Variants in DMD observed in about 807,000 individuals in gnomAD.
DMD encodes mutant dystrophin.
A neutral mutation model predicts 330.1 loss-of-function variants in DMD; 63 were observed. The observed-to-expected ratio is 0.19, with a 90% CI of 0.16 to 0.24. The LOEUF (loss-of-function observed/expected upper bound fraction) is 0.24, where lower values mean the gene tolerates loss of function less well. Ranked by LOEUF, DMD falls within the 10% of genes least tolerant of loss-of-function variation. The probability of loss-of-function intolerance (pLI) is 1.00; values close to 1 mark genes in which losing one functional copy is unlikely to be tolerated. For synonymous variants in DMD, 1,223 were observed against 959.8 expected, an observed-to-expected ratio of 1.27 and a Z score of -5.07; for missense variants, 3,344 against 2,684.1, an observed-to-expected ratio of 1.25 and a Z score of -5.43.
chrX:31,914,757 G>T (rs767412011), intron 47 of DMD, among the ~76,000 whole-genome samples: 2 of 112,017 alleles, frequency 1.8e-5, no homozygotes, highest in African/African-American at 6.5e-5. Flanking sequence ...AGTCGGGGAG[G>T]GGGCAGCGGG....
chrX:31,161,637 G>C (rs1176402781), intron 74 of DMD, among the ~76,000 whole-genome samples: 1 of 111,058 alleles, frequency 9.0e-6, no homozygotes, highest in Non-Finnish European at 1.9e-5. Flanking sequence ...TTCATTCAGT[G>C]ACCTTCTAAT....
chrX:31,902,814 CA>C (rs1328778291), intron 47 of DMD, among the ~76,000 whole-genome samples: 2 of 111,409 alleles, frequency 1.8e-5, no homozygotes, highest in Non-Finnish European at 1.9e-5. Flanking sequence ...AAAATAGACT[CA>C]AAAAATGATT....
At chrX:32,485,121 G>A (rs1485101383) in intron 20 of DMD, 22 bp from the exon 21 acceptor site, 3 of 1,193,056 alleles carry the variant, frequency 2.5e-6, no homozygotes, top group Non-Finnish European at 3.4e-6. Flanking sequence ...AGTATGGAAA[G>A]TAAGTAACAC....
At chrX:32,836,038 A>T (rs202236790) in intron 4 of DMD, among the ~76,000 whole-genome samples, 14 of 103,963 alleles carry the variant, frequency 1.3e-4, no homozygotes, top group South Asian at 4.1e-4. Context: ...TCAAAAAAAA[A>T]TTTTTTTTTT....
chrX:32,601,751 C>T (rs1445395406), intron 12 of DMD, among the ~76,000 whole-genome samples: 1 of 109,710 alleles, frequency 9.1e-6, no homozygotes, highest in Non-Finnish European at 1.9e-5. Context: ...CCACACCAAG[C>T]CTCAGCTTCC....
At chrX:31,354,958 C>CG (rs2058597414) in intron 60 of DMD, among the ~76,000 whole-genome samples, 1 of 111,438 alleles carries the variant, frequency 9.0e-6, no homozygotes, top group African/African-American at 3.3e-5. Flanking sequence ...AACTAAATTA[C>CG]GATACGACAC....
intron 1 of DMD, among the ~76,000 whole-genome samples, chrX:33,284,473 A>G (rs2053396882): frequency 9.1e-6 from 1 of 110,357 alleles, no homozygotes; most frequent in Admixed American, 9.7e-5. Flanking sequence ...AAGACAGGTG[A>G]ATAGAAGGAA....
At chrX:32,962,361 C>T (rs755660839) in intron 2 of DMD, among the ~76,000 whole-genome samples, 2 of 111,576 alleles carry the variant, frequency 1.8e-5, no homozygotes, top group South Asian at 7.5e-4. Context: ...GATCTATATG[C>T]CCTTTCACCA....
intron 1 of DMD, among the ~76,000 whole-genome samples, chrX:33,041,171 G>A (rs1453261774): frequency 1.8e-5 from 2 of 113,252 alleles, no homozygotes; most frequent in Non-Finnish European, 1.9e-5. Context: ...AAATACTACA[G>A]ATGTTAATAT....
chrX:33,009,383 C>CATAT (rs199605848), intron 2 of DMD, among the ~76,000 whole-genome samples: 1 of 23,872 alleles, frequency 4.2e-5, no homozygotes, highest in Admixed American at 3.8e-4. Flanking sequence ...TGTATATACA[C>CATAT]GTGTATATAT....
chrX:31,736,379 G>A (rs191866573), intron 51 of DMD, among the ~76,000 whole-genome samples: 27 of 111,075 alleles, frequency 2.4e-4, no homozygotes, highest in African/African-American at 6.9e-4. Context: ...AATGAAGTAG[G>A]GAAACGACAA....
chrX:32,649,213 A>G (rs757751031), intron 9 of DMD, among the ~76,000 whole-genome samples: 8 of 110,017 alleles, frequency 7.3e-5, no homozygotes, highest in Non-Finnish European at 9.5e-5. Flanking sequence ...AGATTTAGGA[A>G]GTATTAGATA....
intron 1 of DMD, among the ~76,000 whole-genome samples, chrX:33,087,106 G>C (rs1234453314): frequency 1.8e-5 from 2 of 111,568 alleles, no homozygotes; most frequent in African/African-American, 3.3e-5. Flanking sequence ...CCTCCTCTAG[G>C]GAGGAAACTT....
At chrX:31,844,677 T>C (rs757337567) in intron 48 of DMD, among the ~76,000 whole-genome samples, 1 of 111,621 alleles carries the variant, frequency 9.0e-6, no homozygotes, top group Non-Finnish European at 1.9e-5. Context: ...GTTTCTCCAT[T>C]TGTTTGTGTT....
At chrX:32,564,417 TA>T (rs1453180417) in intron 16 of DMD, among the ~76,000 whole-genome samples, 3 of 111,866 alleles carry the variant, frequency 2.7e-5, no homozygotes. Flanking sequence ...AGTGTTGGGT[TA>T]AAAAGTATCA....
At chrX:31,546,314 T>C (rs1198203814) in intron 55 of DMD, among the ~76,000 whole-genome samples, 1 of 112,229 alleles carries the variant, frequency 8.9e-6, no homozygotes, top group Non-Finnish European at 1.9e-5. Flanking sequence ...CCAGCTTAGA[T>C]CCCTTAGTCA....
chrX:31,140,282 CTG>C (rs1205172490), intron 76 of DMD, among the ~76,000 whole-genome samples: 1 of 112,571 alleles, frequency 8.9e-6, no homozygotes, highest in East Asian at 2.8e-4. Flanking sequence ...AGAATTACTC[CTG>C]TGTTTTTGTC....
intron 1 of DMD, among the ~76,000 whole-genome samples, chrX:33,155,433 G>T (rs1175712701): frequency 9.2e-6 from 1 of 108,623 alleles, no homozygotes; most frequent in African/African-American, 3.4e-5. Context: ...CTCCTGCCTT[G>T]GCCTCCTGAG....
At chrX:31,759,760 C>T (rs1490356889) in intron 51 of DMD, among the ~76,000 whole-genome samples, 1 of 111,844 alleles carries the variant, frequency 8.9e-6, no homozygotes, top group East Asian at 2.8e-4. Context: ...CAGACAGTTG[C>T]TCTAGAGAAG....
Sources: gnomAD v4.1 joint callset for allele counts (sites outside exome capture counted in the v4.1 genomes callset) on GRCh38, gnomAD v4.1.1 for gene constraint, MANE v1.5 for transcripts, NCBI Gene and HGNC (gene_info 2026-07-23, HGNC 2026-07-21) for gene names.